Variants in UXS1 observed in about 807,000 individuals in gnomAD.
UXS1 encodes UDP-glucuronate decarboxylase 1, also known as UDP-glucuronic acid decarboxylase 1.
UXS1 carries 33 observed loss-of-function variants against 62.6 expected under a neutral mutation model. The ratio of observed to expected loss-of-function variants is 0.53; its 90% CI spans 0.40 to 0.70. The LOEUF (loss-of-function observed/expected upper bound fraction) is 0.70, where lower values mean the gene tolerates loss of function less well. Ranked by LOEUF, UXS1 falls within the 30% of genes least tolerant of loss-of-function variation. The probability of loss-of-function intolerance (pLI) is 0.00; values close to 1 mark genes in which losing one functional copy is unlikely to be tolerated. For synonymous variants in UXS1, 213 were observed against 206.8 expected (o/e 1.03, Z -0.26); for missense variants, 434 against 556.3 (o/e 0.78, Z 2.21).
chr2:106,178,730 T>A (rs938643778), intron 1 of UXS1, among the ~76,000 whole-genome samples: 2 of 151,968 alleles, frequency 1.3e-5, no homozygotes, highest in African/African-American at 4.8e-5. Flanking sequence ...CCCTAGTGGA[T>A]GCCTGGCACT....
At chr2:106,183,004 G>A (rs1406150718) in intron 1 of UXS1, among the ~76,000 whole-genome samples, 1 of 152,034 alleles carries the variant, frequency 6.6e-6, no homozygotes, top group African/African-American at 2.4e-5. Flanking sequence ...AACAGCAAAA[G>A]AAACCAAAAG....
chr2:106,126,785 G>T (rs1009645805), intron 7 of UXS1, among the ~76,000 whole-genome samples: 2 of 152,128 alleles, frequency 1.3e-5, no homozygotes, highest in Admixed American at 6.5e-5. Context: ...CCACAATCAG[G>T]ACATTGACAT....
chr2:106,138,165 T>A, intron 6 of UXS1: 1 of 985,400 alleles, frequency 1.0e-6, no homozygotes, highest in Non-Finnish European at 1.2e-6. Context: ...GCCACTATCA[T>A]TAACCTCACA....
intron 9 of UXS1, among the ~76,000 whole-genome samples, chr2:106,119,859 GTGTT>G (rs1679383195): frequency 6.6e-6 from 1 of 152,134 alleles, no homozygotes; most frequent in African/African-American, 2.4e-5. Flanking sequence ...TTATATAGTG[GTGTT>G]TGTTTTATTT....
chr2:106,169,536 A>G (rs998169010), intron 1 of UXS1, among the ~76,000 whole-genome samples: 3 of 152,044 alleles, frequency 2.0e-5, no homozygotes, highest in Non-Finnish European at 4.4e-5. Flanking sequence ...CATCTCAAAA[A>G]ATTAGCCAGG....
intron 7 of UXS1, among the ~76,000 whole-genome samples, chr2:106,129,219 C>A (rs1680221256): frequency 6.6e-6 from 1 of 152,220 alleles, no homozygotes; most frequent in Non-Finnish European, 1.5e-5. Flanking sequence ...TCCATCCATT[C>A]CTTCAAGGAG....
intron 4 of UXS1, chr2:106,159,886 C>T (rs1024174477): frequency 2.0e-5 from 3 of 152,138 alleles, no homozygotes; most frequent in Non-Finnish European, 4.4e-5. Flanking sequence ...AGACGAATTC[C>T]CCCATTAAGA....
chr2:106,163,575 T>C (rs1275193612), intron 4 of UXS1, 92 bp downstream of exon 4: 5 of 829,348 alleles, frequency 6.0e-6, no homozygotes, highest in Admixed American at 9.5e-5. Context: ...TTTATTTAGG[T>C]TGGCAGAGTT....
intron 12 of UXS1, among the ~76,000 whole-genome samples, chr2:106,099,810 G>A (rs115196931): frequency 0.019 from 2,891 of 152,272 alleles, 37 homozygotes; most frequent in Non-Finnish European, 0.03. Flanking sequence ...TGTGAGGCAC[G>A]TTCTGGTCTG....
intron 5 of UXS1, among the ~76,000 whole-genome samples, chr2:106,146,694 C>G (rs1264683585): frequency 6.9e-6 from 1 of 144,470 alleles, no homozygotes; most frequent in East Asian, 2.0e-4. Flanking sequence ...GCAGAAGACT[C>G]ACTTGAACCC....
chr2:106,191,722 T>C (rs1684948802), intron 1 of UXS1, among the ~76,000 whole-genome samples: 1 of 152,224 alleles, frequency 6.6e-6, no homozygotes, highest in South Asian at 2.1e-4. Context: ...CTGCACACAC[T>C]GCTCCTCCTA....
intron 1 of UXS1, among the ~76,000 whole-genome samples, chr2:106,177,985 AT>A (rs1421537861): frequency 6.6e-6 from 1 of 152,192 alleles, no homozygotes; most frequent in African/African-American, 2.4e-5. Flanking sequence ...GACATTCCAC[AT>A]TTTAGTAAGA....
In UXS1 at chr2:106,093,974, A is replaced by G. The variant is rs912037631; in HGVS notation, c.*52T>C. 2 of 1,496,838 alleles carry G rather than the reference A, an allele frequency of 1.3e-6. No individual in the cohort carries two copies. The highest frequency in any genetic ancestry group is 8.9e-7 in the Non-Finnish European group (1 of 1,128,024). The allele number at this position is 1,496,838 out of a possible 1,614,324, so 92.7% of individuals were successfully genotyped here. A position where few individuals can be genotyped will look rare whatever the true frequency, so the allele number is the denominator to read the frequency against. On this transcript the variant is annotated 3_prime_UTR_variant, in exon 15 of 15. Transcript: ENST00000283148. The stretch of plus-strand genomic sequence containing the variant: ...AAACGACAACAAAAAAAAGCCAAAA[A>G]TACATCCCATCAAGTGTACAATGGT...
intron 1 of UXS1, among the ~76,000 whole-genome samples, chr2:106,192,018 CAG>C (rs1684965344): frequency 6.6e-6 from 1 of 152,168 alleles, no homozygotes; most frequent in Non-Finnish European, 1.5e-5. Flanking sequence ...GGCCACATCC[CAG>C]ACCAACTGAA....
intron 12 of UXS1, among the ~76,000 whole-genome samples, chr2:106,100,198 T>C (rs1573392537): frequency 6.6e-6 from 1 of 150,604 alleles, no homozygotes; most frequent in East Asian, 1.9e-4. Context: ...CAGAACATCT[T>C]GAATGCTGGA....
rs564774182 is a variant in UXS1, at chr2:106,166,776, G to A, written c.95-693C>T. 5.7e-5 allele frequency among the ~76,000 whole-genome samples: 8 copies of A among 139,884 alleles called. 1 individual carries two copies. The South Asian group carries it at 7.0e-4, about 12-fold the overall frequency. The allele number at this position is 139,884 out of a possible 152,430, so 91.8% of individuals were successfully genotyped here. On this transcript the variant is annotated intron_variant, in intron 1 of 14. Transcript: ENST00000283148. ...GGTCTCTAGTGATCCTCTCGCCTCC[G>A]CCTCCTGAGTAAGTGGGACTGCAGG...
Position 106,110,073 on chromosome 2 carries a change from T to C in UXS1, c.879+2573A>G, listed in dbSNP as rs188670706. ...ACAAGAGCAAGGCATGATATCTCAATTGGACAGAAAAGAATGAAGTCAGTG... is the reference window on the plus strand; with the variant it reads ...ACAAGAGCAAGGCATGATATCTCAACTGGACAGAAAAGAATGAAGTCAGTG... On this transcript the variant is annotated intron_variant, in intron 10 of 14. Coordinates refer to ENST00000283148, the MANE Select transcript of UXS1 (RefSeq NM_001253875.2). 3.3e-5 allele frequency among the ~76,000 whole-genome samples: 5 copies of C among 152,224 alleles called. No homozygotes were observed. The East Asian group carries it at 9.7e-4, about 29-fold the overall frequency.
chr2:106,148,242 G>C (rs1046080138), intron 5 of UXS1, among the ~76,000 whole-genome samples: 1 of 152,156 alleles, frequency 6.6e-6, no homozygotes, highest in Non-Finnish European at 1.5e-5. Context: ...CGATTTTCCA[G>C]AAAAATAATT....
intron 9 of UXS1, among the ~76,000 whole-genome samples, chr2:106,121,169 C>T (rs1381409200): frequency 6.6e-6 from 1 of 151,976 alleles, no homozygotes; most frequent in Non-Finnish European, 1.5e-5. Flanking sequence ...AGCATACAGT[C>T]GGTGCTCAAG....
Sources: gnomAD v4.1 joint callset for allele counts (sites outside exome capture counted in the v4.1 genomes callset) on GRCh38, gnomAD v4.1.1 for gene constraint, MANE v1.5 for transcripts, NCBI Gene and HGNC (gene_info 2026-07-23, HGNC 2026-07-21) for gene names.